The following GHR variants were observed in gnomAD, a reference collection of about 807,000 sequenced individuals.
GHR encodes the protein growth hormone receptor.
A neutral mutation model predicts 67.1 loss-of-function variants in GHR; 35 were observed. The ratio of observed to expected loss-of-function variants is 0.52; its 90% CI spans 0.40 to 0.69. GHR has a LOEUF of 0.69. GHR is among the 30% of genes least tolerant of loss of function. The probability of loss-of-function intolerance (pLI) is 0.00; values close to 1 mark genes in which losing one functional copy is unlikely to be tolerated. For missense variants in GHR, 792 were observed against 764.6 expected, an observed-to-expected ratio of 1.04 and a Z score of -0.42; for synonymous variants, 272 against 269.1, an observed-to-expected ratio of 1.01 and a Z score of -0.10.
intron 1 of GHR, among the ~76,000 whole-genome samples, chr5:42,545,761 C>A (rs1278004277): frequency 6.6e-6 from 1 of 152,128 alleles, no homozygotes; most frequent in Non-Finnish European, 1.5e-5. Context: ...ATAGTCCAGG[C>A]TCCTTTTCCC....
chr5:42,651,648 T>C (rs1280455684), intron 3 of GHR, among the ~76,000 whole-genome samples: 1 of 152,218 alleles, frequency 6.6e-6, no homozygotes, highest in Non-Finnish European at 1.5e-5. Flanking sequence ...TAACTGTTTC[T>C]TTAACAGTTT....
At chr5:42,449,647 C>T (rs1743963547) in intron 1 of GHR, among the ~76,000 whole-genome samples, 1 of 152,138 alleles carries the variant, frequency 6.6e-6, no homozygotes, top group Non-Finnish European at 1.5e-5. Context: ...TGTCTAATCA[C>T]TCTGGCTAGG....
rs371521705 is a variant in GHR at position 42,487,481 on chromosome 5, C to T, written c.-12+63526C>T. Among the ~76,000 whole-genome samples the T allele has an allele frequency of 3.3e-4, 51 of 152,254 alleles. No homozygotes were observed. In the South Asian group the frequency reaches 5.4e-3, roughly 16 times the overall value. ...AAGATTATACTTAGCTGTCACTCCA[C>T]GTTTCATCAGTAGGATTAAAATGAA... On this transcript the variant is annotated intron_variant, in intron 1 of 9. Coordinates refer to ENST00000230882, the MANE Select transcript of GHR (RefSeq NM_000163.5).
intron 1 of GHR, among the ~76,000 whole-genome samples, chr5:42,502,450 A>G (rs1746578544): frequency 6.6e-6 from 1 of 152,206 alleles, no homozygotes; most frequent in African/African-American, 2.4e-5. Flanking sequence ...ATAACACATG[A>G]CTGTGTAATA....
intron 1 of GHR, among the ~76,000 whole-genome samples, chr5:42,443,095 C>T (rs1418352641): frequency 6.6e-6 from 1 of 152,196 alleles, no homozygotes; most frequent in African/African-American, 2.4e-5. Context: ...TAATGTCAGT[C>T]TGGCTACAAA....
At chr5:42,551,821 C>T (rs1749049562) in intron 1 of GHR, among the ~76,000 whole-genome samples, 5 of 152,024 alleles carry the variant, frequency 3.3e-5, no homozygotes, top group Admixed American at 3.3e-4. Flanking sequence ...TAAACTGCCC[C>T]CTAGGATTTT....
Position 42,576,141 on chromosome 5 carries a change from A to AGTAAAGTAAAGT in GHR, c.70+10197_70+10198insGTAAAGTAAAGT, listed in dbSNP as rs1473733015. 7.1e-4 allele frequency among the ~76,000 whole-genome samples: 67 copies of AGTAAAGTAAAGT among 94,702 alleles called. 1 individual carries two copies. Among genetic ancestry groups the AGTAAAGTAAAGT allele is most frequent in the African/African-American group, 3.0e-3 (65 of 21,754 alleles). The allele number at this position is 94,702 out of a possible 152,430, so 62.1% of individuals were successfully genotyped here. On this transcript the variant is annotated intron_variant, in intron 2 of 9. Transcript: ENST00000230882. ...AATAAAATAAAATAAAATAAAATAAAATAGTAAAGTAAAATAAAATAAAGG... is the reference window on the plus strand; with the variant it reads ...AATAAAATAAAATAAAATAAAATAAAGTAAAGTAAAGTATAGTAAAGTAAAATAAAATAAAGG...
chr5:42,474,627 CA>C (rs957805804), intron 1 of GHR, among the ~76,000 whole-genome samples: 1 of 151,532 alleles, frequency 6.6e-6, no homozygotes, highest in Admixed American at 6.6e-5. Flanking sequence ...ACAACAACAA[CA>C]AAAAAAGGCA....
intron 1 of GHR, among the ~76,000 whole-genome samples, chr5:42,531,695 A>G (rs1449480180): frequency 6.6e-6 from 1 of 152,188 alleles, no homozygotes; most frequent in East Asian, 1.9e-4. Context: ...CAGCTGAATC[A>G]CATTGTAGTA....
chr5:42,710,154 AT>A (rs944404577), intron 6 of GHR, among the ~76,000 whole-genome samples: 3 of 152,190 alleles, frequency 2.0e-5, no homozygotes, highest in Non-Finnish European at 4.4e-5. Context: ...AGAGGCTTCT[AT>A]AAAAAATACA....
At chr5:42,712,334 CA>C (rs1445977060) in intron 7 of GHR, among the ~76,000 whole-genome samples, 1 of 152,078 alleles carries the variant, frequency 6.6e-6, no homozygotes, top group East Asian at 1.9e-4. Context: ...CTTAAAAGTA[CA>C]ATAGCTATAC....
chr5:42,451,148 G>T (rs926216294), intron 1 of GHR, among the ~76,000 whole-genome samples: 4 of 152,070 alleles, frequency 2.6e-5, no homozygotes, highest in Non-Finnish European at 5.9e-5. Flanking sequence ...AAGTCAATTT[G>T]TTCCAGGGCA....
chr5:42,529,159 C>T (rs1747844116), intron 1 of GHR, among the ~76,000 whole-genome samples: 1 of 151,846 alleles, frequency 6.6e-6, no homozygotes, highest in African/African-American at 2.4e-5. Flanking sequence ...CTACAGGTGC[C>T]CACCACAATG....
chr5:42,663,621 A>G (rs1227338243), intron 3 of GHR, among the ~76,000 whole-genome samples: 1 of 152,200 alleles, frequency 6.6e-6, no homozygotes, highest in Non-Finnish European at 1.5e-5. Flanking sequence ...ATATATGACA[A>G]ACCCACAGCC....
intron 3 of GHR, among the ~76,000 whole-genome samples, chr5:42,640,548 A>G (rs1362016283): frequency 6.6e-6 from 1 of 152,020 alleles, no homozygotes; most frequent in Non-Finnish European, 1.5e-5. Context: ...CCTTCACCTC[A>G]TTCACCAAAA....
chr5:42,463,754 G>C (rs989589591), intron 1 of GHR, among the ~76,000 whole-genome samples: 5 of 151,932 alleles, frequency 3.3e-5, no homozygotes, highest in Non-Finnish European at 7.4e-5. Flanking sequence ...AGCACTTTGG[G>C]AGGCCGAGGC....
chr5:42,593,767 T>C (rs1298192913), intron 2 of GHR, among the ~76,000 whole-genome samples: 1 of 152,210 alleles, frequency 6.6e-6, no homozygotes, highest in African/African-American at 2.4e-5. Flanking sequence ...ACTTCCTCAT[T>C]TGAATTGAGT....
intron 3 of GHR, among the ~76,000 whole-genome samples, chr5:42,669,548 T>G (rs1186769613): frequency 6.6e-6 from 1 of 152,154 alleles, no homozygotes; most frequent in Non-Finnish European, 1.5e-5. Context: ...ATTTACTTTT[T>G]CCTACCATTC....
intron 2 of GHR, among the ~76,000 whole-genome samples, chr5:42,597,078 T>A (rs533106885): frequency 1.3e-5 from 2 of 152,246 alleles, no homozygotes; most frequent in African/African-American, 4.8e-5. Context: ...TGCTTATAAA[T>A]GTTTAACAGT....
Sources: allele counts gnomAD v4.1 joint callset (sites outside exome capture counted in the v4.1 genomes callset), GRCh38; gene constraint gnomAD v4.1.1; transcripts MANE v1.5; gene names NCBI Gene and HGNC (gene_info 2026-07-23, HGNC 2026-07-21).